INSYN2B: variants seen among roughly 807,000 people sequenced by gnomAD.
INSYN2B encodes the protein inhibitory synaptic factor family member 2B.
INSYN2B carries 16 observed loss-of-function variants against 41.2 expected under a neutral mutation model. That is an observed-to-expected ratio of 0.39 (90% CI 0.26 to 0.59). The LOEUF is 0.59. Ranked by LOEUF, INSYN2B falls within the 20% of genes least tolerant of loss-of-function variation. The probability of loss-of-function intolerance (pLI) is 0.57; values close to 1 mark genes in which losing one functional copy is unlikely to be tolerated. For missense variants in INSYN2B, 608 were observed against 646.4 expected (o/e 0.94, Z 0.64); for synonymous variants, 245 against 244.4 (o/e 1.00, Z -0.02).
intron 1 of INSYN2B, among the ~76,000 whole-genome samples, chr5:169,886,368 G>A (rs1772970374): frequency 6.6e-6 from 1 of 152,190 alleles, no homozygotes; most frequent in African/African-American, 2.4e-5. Flanking sequence ...GCAACTTTTA[G>A]AATTGGTTCT....
chr5:169,915,301 T>A (rs765122697), intron 1 of INSYN2B, among the ~76,000 whole-genome samples: 1 of 152,188 alleles, frequency 6.6e-6, no homozygotes, highest in South Asian at 2.1e-4. Context: ...TAGTTTTTGG[T>A]ACTTTGAAAA....
rs926111135 is a variant in INSYN2B at position 169,883,744 on chromosome 5, G to C, written c.155C>G (p.Ala52Gly). ...TTCTGGAGTTTGGACGTCAACCTCAGCTAGGCCAGTTGGATTCTTAGTGGT... is the reference window on the plus strand; with the variant it reads ...TTCTGGAGTTTGGACGTCAACCTCACCTAGGCCAGTTGGATTCTTAGTGGT... ...DGTTKNPTGL[A>G]EVDVQTPEDP... Residue 52 changes from alanine to glycine, a missense_variant, in exon 2 of 4, where the codon GCT (alanine) becomes GGT (glycine). By Grantham distance (60) the Ala-to-Gly change is moderately conservative. Coordinates refer to ENST00000377365, the MANE Select transcript of INSYN2B (RefSeq NM_001129891.3). The C allele has an allele frequency of 4.8e-5, 74 of 1,551,518 alleles. No homozygotes were observed. Among genetic ancestry groups the C allele is most frequent in the Admixed American group, 1.8e-4 (9 of 50,980 alleles).
chr5:169,881,133 T>G (rs1772619711), intron 3 of INSYN2B, among the ~76,000 whole-genome samples: 1 of 152,230 alleles, frequency 6.6e-6, no homozygotes. Context: ...CTTACCATGA[T>G]GCCTGCACTT....
chr5:169,880,317 C>T (rs1233282579), intron 3 of INSYN2B, among the ~76,000 whole-genome samples: 1 of 152,200 alleles, frequency 6.6e-6, no homozygotes, highest in Non-Finnish European at 1.5e-5. Context: ...CACCTTCTGC[C>T]TTCCAGGCAT....
At chr5:169,920,676 T>C (rs1581418612) in intron 1 of INSYN2B, among the ~76,000 whole-genome samples, 2 of 152,222 alleles carry the variant, frequency 1.3e-5, no homozygotes, top group Non-Finnish European at 2.9e-5. Flanking sequence ...TGATGGACAG[T>C]GTAGCCATAG....
At chr5:169,881,583 C>G (rs1772655981) in intron 2 of INSYN2B, 141 bp from the exon 3 acceptor site, 1 of 659,102 alleles carries the variant, frequency 1.5e-6, no homozygotes, top group Admixed American at 2.3e-5. Context: ...AATAAGGAAA[C>G]AAGAATGTCA....
intron 1 of INSYN2B, chr5:169,934,856 T>A: frequency 2.6e-6 from 1 of 383,312 alleles, no homozygotes; most frequent in Admixed American, 3.0e-5. Context: ...TAAAGCATTA[T>A]ACATTGCCAA....
chr5:169,920,636 A>C (rs1581418494), intron 1 of INSYN2B, among the ~76,000 whole-genome samples: 1 of 152,226 alleles, frequency 6.6e-6, no homozygotes, highest in Non-Finnish European at 1.5e-5. Context: ...CTGATGTCAT[A>C]AAAGGTGATA....
At chr5:169,873,009 T>C (rs941791909) in intron 3 of INSYN2B, among the ~76,000 whole-genome samples, 1 of 152,202 alleles carries the variant, frequency 6.6e-6, no homozygotes, top group Non-Finnish European at 1.5e-5. Flanking sequence ...GAAATAAAGA[T>C]CGGATCACTC....
chr5:169,943,083 C>T (rs1022755147), intron 1 of INSYN2B, among the ~76,000 whole-genome samples: 1 of 152,172 alleles, frequency 6.6e-6, no homozygotes, highest in Non-Finnish European at 1.5e-5. Flanking sequence ...TTGGAACGCT[C>T]TGCAGCTTCT....
intron 1 of INSYN2B, among the ~76,000 whole-genome samples, chr5:169,965,287 G>T (rs1176732383): frequency 1.3e-5 from 2 of 152,166 alleles, no homozygotes; most frequent in Non-Finnish European, 2.9e-5. Context: ...TGCGGGCTGG[G>T]GCTTGCAGTT....
At chr5:169,893,617 T>C (rs1366687178) in intron 1 of INSYN2B, among the ~76,000 whole-genome samples, 1 of 152,112 alleles carries the variant, frequency 6.6e-6, no homozygotes, top group East Asian at 1.9e-4. Flanking sequence ...GTCAGAGGAA[T>C]AGCTCTGTGT....
intron 1 of INSYN2B, among the ~76,000 whole-genome samples, chr5:169,958,386 G>C (rs760043137): frequency 4.9e-4 from 75 of 152,098 alleles, no homozygotes; most frequent in Non-Finnish European, 9.7e-4. Flanking sequence ...GCAAGAGGAG[G>C]GCAAACAGAA....
intron 1 of INSYN2B, among the ~76,000 whole-genome samples, chr5:169,949,484 G>C (rs866194002): frequency 6.6e-6 from 1 of 152,008 alleles, no homozygotes; most frequent in African/African-American, 2.4e-5. Flanking sequence ...AATGAAAAGT[G>C]AGAAATAACT....
intron 1 of INSYN2B, among the ~76,000 whole-genome samples, chr5:169,969,362 T>C (rs1022759154): frequency 6.6e-6 from 1 of 151,994 alleles, no homozygotes; most frequent in Non-Finnish European, 1.5e-5. Flanking sequence ...GGAGATTCAC[T>C]TGAACTTGGG....
At chr5:169,976,402 G>A (rs1423953175) in intron 1 of INSYN2B, among the ~76,000 whole-genome samples, 1 of 152,140 alleles carries the variant, frequency 6.6e-6, no homozygotes, top group Middle Eastern at 3.2e-3. Flanking sequence ...GACCTCATGA[G>A]ATTACTGACA....
At chr5:169,866,482 G>C (rs72842505) in intron 3 of INSYN2B, among the ~76,000 whole-genome samples, 1 of 152,126 alleles carries the variant, frequency 6.6e-6, no homozygotes, top group Non-Finnish European at 1.5e-5. Context: ...TATACAACAC[G>C]CAGCATAGAG....
Position 169,938,854 on chromosome 5 carries a change from ATT to A in INSYN2B, c.-919+41421_-919+41422del, listed in dbSNP as rs936469326. Among the ~76,000 whole-genome samples, 126 of 151,208 alleles carry A rather than the reference ATT, an allele frequency of 8.3e-4. 1 individual carries two copies. Among genetic ancestry groups the A allele is most frequent in the African/African-American group, 2.9e-3 (118 of 41,270 alleles). ...AAATATTGTATAACTGTGCAAAAAT[ATT>A]TTCTTTCTTCATATCCTTATTCTAC... On this transcript the variant is annotated intron_variant, in intron 1 of 3. Transcript: ENST00000377365.
chr5:169,959,336 T>G (rs1033875389), intron 1 of INSYN2B, among the ~76,000 whole-genome samples: 1 of 150,386 alleles, frequency 6.6e-6, no homozygotes, highest in Non-Finnish European at 1.5e-5. Context: ...ACCACTGCAC[T>G]CCAGCCTGGG....
Sources: allele counts gnomAD v4.1 joint callset (sites outside exome capture counted in the v4.1 genomes callset), GRCh38; gene constraint gnomAD v4.1.1; transcripts MANE v1.5; gene names NCBI Gene and HGNC (gene_info 2026-07-23, HGNC 2026-07-21).